Variants in GPATCH2L observed in about 807,000 individuals in gnomAD.
GPATCH2L encodes G-patch domain containing 2 like.
Under a neutral mutation model 57.4 loss-of-function variants are expected in GPATCH2L, and 31 were observed. That is an observed-to-expected ratio of 0.54 (90% confidence interval 0.41 to 0.73). The LOEUF (loss-of-function observed/expected upper bound fraction) is 0.73, where lower values mean the gene tolerates loss of function less well. Among genes scored for constraint, GPATCH2L ranks in the 30% least tolerant of loss-of-function variants. The probability of loss-of-function intolerance (pLI) is 0.00; values close to 1 mark genes in which losing one functional copy is unlikely to be tolerated. For missense variants in GPATCH2L, 481 were observed against 599.9 expected, an observed-to-expected ratio of 0.80 and a Z score of 2.07; for synonymous variants, 199 against 210.7, an observed-to-expected ratio of 0.94 and a Z score of 0.48.
chr14:76,205,579 T>G lies in GPATCH2L; in HGVS notation c.*3728T>G, dbSNP rs1291916460. The G allele has an allele frequency of 1.3e-5, 2 of 152,234 alleles. No homozygotes were observed. Among genetic ancestry groups the G allele is most frequent in the Non-Finnish European group, 2.9e-5 (2 of 68,044 alleles). The allele number at this position is 152,234 out of a possible 1,614,324, so 9.4% of individuals were successfully genotyped here. On this transcript the variant is annotated 3_prime_UTR_variant, in exon 10 of 10. Coordinates refer to ENST00000261530, the MANE Select transcript of GPATCH2L (RefSeq NM_017926.4). Reference sequence around the variant, plus strand: ...AAGCACAACACCCTGGACAAGCGACTAGTTATGACTTCCAAATAGATTGAT... The same window carrying G: ...AAGCACAACACCCTGGACAAGCGACGAGTTATGACTTCCAAATAGATTGAT...
At chr14:76,172,374 A>G (rs993408114) in intron 4 of GPATCH2L, among the ~76,000 whole-genome samples, 2 of 152,246 alleles carry the variant, frequency 1.3e-5, no homozygotes, top group African/African-American at 2.4e-5. Flanking sequence ...GAACATTCAC[A>G]TACATATTCT....
chr14:76,172,265 C>A (rs892479094), intron 4 of GPATCH2L, among the ~76,000 whole-genome samples: 11 of 152,158 alleles, frequency 7.2e-5, no homozygotes, highest in African/African-American at 2.7e-4. Flanking sequence ...TTCAGCTTGC[C>A]ATTGCCGTTT....
chr14:76,227,364 G>A (rs1346667265), intron 1 of GPATCH2L, among the ~76,000 whole-genome samples: 1 of 152,204 alleles, frequency 6.6e-6, no homozygotes. Flanking sequence ...TGGCCAGTGT[G>A]GAGTGGAGGA....
chr14:76,201,672 T>C lies in GPATCH2L; in HGVS notation c.1289-19T>C, dbSNP rs747586214. 36 of 1,565,302 alleles carry C rather than the reference T, an allele frequency of 2.3e-5. No individual in the cohort carries two copies. The highest frequency in any genetic ancestry group is 3.0e-5 in the Non-Finnish European group (35 of 1,157,724). On this transcript the variant is annotated intron_variant, in intron 9 of 9. Coordinates refer to ENST00000261530, the MANE Select transcript of GPATCH2L (RefSeq NM_017926.4). ...ATCTCCCCTTGATGTTTTGCTCCTC[T>C]CTGTTGTAACCTTACTAGTTCACAT...
chr14:76,232,492 C>T (rs984787998), intron 2 of GPATCH2L, among the ~76,000 whole-genome samples: 2 of 152,096 alleles, frequency 1.3e-5, no homozygotes, highest in Admixed American at 1.3e-4. Context: ...TAACTCTGTT[C>T]GAGGTTAGCG....
intron 2 of GPATCH2L, among the ~76,000 whole-genome samples, chr14:76,231,484 A>G (rs956408400): frequency 6.6e-6 from 1 of 151,406 alleles, no homozygotes. Flanking sequence ...CTTACATTCC[A>G]TCTCTCTTTC....
intron 2 of GPATCH2L, among the ~76,000 whole-genome samples, chr14:76,231,976 T>TCACTGCAGCCA (rs2040568216): frequency 6.6e-6 from 1 of 152,066 alleles, no homozygotes; most frequent in Non-Finnish European, 1.5e-5. Flanking sequence ...CACTGCAGCC[T>TCACTGCAGCCA]CACTGCAGCC....
intron 8 of GPATCH2L, among the ~76,000 whole-genome samples, chr14:76,194,571 TTC>T (rs2040088494): frequency 6.6e-6 from 1 of 151,928 alleles, no homozygotes; most frequent in African/African-American, 2.4e-5. Flanking sequence ...TTTGGGGACT[TTC>T]TGAGTCAAAA....
In GPATCH2L at chr14:76,171,969, A is replaced by G; in HGVS notation, c.854A>G (p.Asp285Gly). 1 of 1,612,902 alleles carries G rather than the reference A, an allele frequency of 6.2e-7. No individual in the cohort carries two copies. Among genetic ancestry groups the G allele is most frequent in the South Asian group, 1.1e-5 (1 of 90,866 alleles). ...SEVERMDSGLDKFSDSTFLLP... is the reference protein window; with the variant it reads ...SEVERMDSGLGKFSDSTFLLP... ...GTAGAAAGAATGGATTCTGGATTGG[A>G]TAAATTTTCAGATTCCACATTCCTT... Residue 285 changes from aspartate (D) to glycine (G), a missense_variant, in exon 4 of 10, where the codon GAT becomes GGT. Coordinates refer to ENST00000261530, the MANE Select transcript of GPATCH2L (RefSeq NM_017926.4).
chr14:76,196,028 T>G (rs555149343), intron 9 of GPATCH2L, 56 bp downstream of exon 9: 1 of 1,254,168 alleles, frequency 8.0e-7, no homozygotes, highest in South Asian at 1.2e-5. Context: ...GGCACTAAAT[T>G]ATGTGTTTTG....
chr14:76,224,878 A>C (rs1247278772), intron 1 of GPATCH2L, among the ~76,000 whole-genome samples: 1 of 152,214 alleles, frequency 6.6e-6, no homozygotes, highest in African/African-American at 2.4e-5. Context: ...TGAAATTTAA[A>C]AATATTTACA....
At chr14:76,227,683 A>C (rs940202469) in intron 1 of GPATCH2L, among the ~76,000 whole-genome samples, 17 of 152,254 alleles carry the variant, frequency 1.1e-4, no homozygotes, top group South Asian at 6.2e-4. Context: ...CACAGATATA[A>C]TCCTATACAT....
downstream of GPATCH2L, among the ~76,000 whole-genome samples, chr14:76,219,264 T>C (rs2040503060): frequency 6.6e-6 from 1 of 152,002 alleles, no homozygotes; most frequent in Admixed American, 6.6e-5. Context: ...GAAAACACAT[T>C]AGCAATCCAG....
chr14:76,172,051 T>C, intron 4 of GPATCH2L, 32 bp downstream of exon 4: 2 of 1,453,394 alleles, frequency 1.4e-6, no homozygotes, highest in African/African-American at 2.8e-5. Context: ...AACTTAATGC[T>C]TTTATGGTTC....
intron 9 of GPATCH2L, among the ~76,000 whole-genome samples, chr14:76,201,345 T>C (rs1290153681): frequency 6.6e-6 from 1 of 152,168 alleles, no homozygotes; most frequent in Non-Finnish European, 1.5e-5. Flanking sequence ...TCTATGAGCA[T>C]CTATGAGTAA....
chr14:76,177,191 G>T (rs558482794), intron 6 of GPATCH2L, among the ~76,000 whole-genome samples: 2 of 152,118 alleles, frequency 1.3e-5, no homozygotes, highest in East Asian at 3.9e-4. Context: ...GACTACAGGC[G>T]CATGCTGCTG....
In GPATCH2L at chr14:76,163,828, A is replaced by T. The variant is rs560151690; in HGVS notation, c.663-2835A>T. Among the ~76,000 whole-genome samples, 10 of 152,366 alleles carry T rather than the reference A, an allele frequency of 6.6e-5. No individual in the cohort carries two copies. The South Asian group carries it at 1.9e-3, about 28-fold the overall frequency. On this transcript the variant is annotated intron_variant, in intron 2 of 9. Transcript: ENST00000261530. ...AGGGCAGGCAACAGAGGTGTCTAGA[A>T]CAAGTTCATTCTATTTACGTAACAT... is the stretch of plus-strand genomic sequence containing the variant.
chr14:76,154,395 C>A lies in GPATCH2L; in HGVS notation c.32C>A (p.Ala11Asp), dbSNP rs773214536. 1 of 1,608,978 alleles carries A rather than the reference C, an allele frequency of 6.2e-7. No homozygotes were observed. Among genetic ancestry groups the A allele is most frequent in the South Asian group, 1.1e-5 (1 of 91,002 alleles). The change falls in exon 2 of 10, where the codon GCC becomes GAC. Residue 11 changes from alanine to aspartate, a missense_variant. By Grantham distance (126) the Ala-to-Asp change is moderately radical. Around this residue, in one of 3 missense-constraint regions of GPATCH2L, gnomAD observed 208 missense variants for 272.4 expected, o/e 0.76. Coordinates refer to ENST00000261530, the MANE Select transcript of GPATCH2L (RefSeq NM_017926.4). The surrounding 1 kb of genome is among the most constrained non-coding windows in gnomAD (Gnocchi z 4.4). Reference sequence around the variant, plus strand: ...GAGCTGGTACACGACTTAGCCTCAGCCTTGGAGCAGACATCTGAGCAGAAT... The same window carrying A: ...GAGCTGGTACACGACTTAGCCTCAGACTTGGAGCAGACATCTGAGCAGAAT... MDELVHDLASALEQTSEQNKL... is the reference protein window; with the variant it reads MDELVHDLASDLEQTSEQNKL...
chr14:76,181,021 C>T (rs1312213375), intron 8 of GPATCH2L, among the ~76,000 whole-genome samples, 172 bp downstream of exon 8: 1 of 152,188 alleles, frequency 6.6e-6, no homozygotes, highest in East Asian at 1.9e-4. Context: ...AGTGAAGTAT[C>T]TTTCCTGTGG....
Sources: allele counts gnomAD v4.1 joint callset (sites outside exome capture counted in the v4.1 genomes callset), GRCh38; gene constraint gnomAD v4.1.1; regional missense constraint gnomAD v4.1.1; non-coding constraint Gnocchi (gnomAD v3.1); transcripts MANE v1.5; gene names NCBI Gene and HGNC (gene_info 2026-07-23, HGNC 2026-07-21).